The following CHTF8 variants were observed in gnomAD, a reference collection of about 807,000 sequenced individuals.
CHTF8 encodes the protein chromosome transmission fidelity factor 8, also known as chromosome transmission fidelity protein 8 homolog.
A neutral mutation model predicts 11.0 loss-of-function variants in CHTF8; 6 were observed. That is an observed-to-expected ratio of 0.55 (90% CI 0.30 to 1.08). CHTF8 has a LOEUF of 1.08. Ranked by LOEUF, CHTF8 falls within the 50% of genes least tolerant of loss-of-function variation. The probability of loss-of-function intolerance (pLI) is 0.07; values close to 1 mark genes in which losing one functional copy is unlikely to be tolerated. For missense variants in CHTF8, 140 were observed against 153.1 expected (o/e 0.91, Z 0.45); for synonymous variants, 53 against 60.5 (o/e 0.88, Z 0.57).
chr16:69,121,091 C>T lies in CHTF8; in HGVS notation c.103G>A (p.Ala35Thr). ...EIEARYSTGL[A>T]GNLLGDLHYT... Reference sequence around the variant, plus strand: ...TGTAGGTCTCCCAGGAGGTTTCCAGCTAATCCAGTGCTGTAGCGAGCCTCG... The same window carrying T: ...TGTAGGTCTCCCAGGAGGTTTCCAGTTAATCCAGTGCTGTAGCGAGCCTCG... The change falls in exon 3 of 4, where the codon GCT becomes ACT. Residue 35 changes from alanine to threonine, a missense_variant. Transcript: ENST00000448552. The T allele has an allele frequency of 6.2e-7, 1 of 1,614,062 alleles. No individual in the cohort carries two copies. Among genetic ancestry groups the T allele is most frequent in the South Asian group, 1.1e-5 (1 of 91,066 alleles).
chr16:69,124,150 C>A (rs187019703), intron 1 of CHTF8, among the ~76,000 whole-genome samples: 46 of 151,728 alleles, frequency 3.0e-4, no homozygotes, highest in Admixed American at 2.0e-3. Context: ...TTTTATACAA[C>A]AGCAGCACCA....
intron 1 of CHTF8, among the ~76,000 whole-genome samples, chr16:69,124,982 G>A (rs931121938): frequency 2.0e-5 from 3 of 151,692 alleles, no homozygotes; most frequent in Middle Eastern, 3.4e-3. Flanking sequence ...TCGGCTCACC[G>A]CAACCTCCAC....
At position 69,126,035 on chromosome 16, in the gene CHTF8, G is replaced by A. The variant is rs527616199; in HGVS notation, c.-35-4542C>T. ...TTAAGGAATGGTACATTTTAGCCACGAATCAAAAAAAGGCTCAATAATGCA... is the reference window on the plus strand; with the variant it reads ...TTAAGGAATGGTACATTTTAGCCACAAATCAAAAAAAGGCTCAATAATGCA... On this transcript the variant is annotated intron_variant, in intron 1 of 3. Transcript: ENST00000448552. 2.6e-5 allele frequency among the ~76,000 whole-genome samples: 4 copies of A among 152,196 alleles called. No individual in the cohort carries two copies. In the South Asian group the frequency reaches 6.2e-4, roughly 24 times the overall value.
At chr16:69,130,016 G>C (rs530109794) in intron 1 of CHTF8, among the ~76,000 whole-genome samples, 4 of 152,340 alleles carry the variant, frequency 2.6e-5, no homozygotes, top group African/African-American at 9.6e-5. Flanking sequence ...CAAGAGAATA[G>C]AGGACATTCT....
At chr16:69,126,700 G>A (rs909248526) in intron 1 of CHTF8, among the ~76,000 whole-genome samples, 1 of 152,200 alleles carries the variant, frequency 6.6e-6, no homozygotes, top group African/African-American at 2.4e-5. Flanking sequence ...TAATTTATAC[G>A]CACGTGGGTG....
chr16:69,124,121 AAAG>A (rs931329326), intron 1 of CHTF8, among the ~76,000 whole-genome samples: 8 of 151,658 alleles, frequency 5.3e-5, no homozygotes, highest in Non-Finnish European at 7.4e-5. Flanking sequence ...AAAAAAAAAA[AAAG>A]GATAATATGC....
chr16:69,127,234 C>A, intron 1 of CHTF8, among the ~76,000 whole-genome samples: 1 of 149,368 alleles, frequency 6.7e-6, no homozygotes. Flanking sequence ...AGCAAAACTC[C>A]GTCTCAAAAA....
Position 69,121,180 on chromosome 16 carries a change from A to C in CHTF8, c.24-10T>G. 6.2e-7 allele frequency: 1 copy of C among 1,609,276 alleles called. No homozygotes were observed. Among genetic ancestry groups the C allele is most frequent in the Non-Finnish European group, 8.5e-7 (1 of 1,176,862 alleles). On this transcript the variant is annotated splice_polypyrimidine_tract_variant and intron_variant, in intron 2 of 3. Coordinates refer to ENST00000448552, the MANE Select transcript of CHTF8 (RefSeq NM_001039690.5). ...GCCTCCAGCCCTCGCACTGCAAGCAAAGGGCTGGCGGTTACAATATTTTTG... is the reference window on the plus strand; with the variant it reads ...GCCTCCAGCCCTCGCACTGCAAGCACAGGGCTGGCGGTTACAATATTTTTG...
intron 1 of CHTF8, among the ~76,000 whole-genome samples, chr16:69,131,033 G>A (rs533886205): frequency 1.3e-5 from 2 of 152,254 alleles, no homozygotes; most frequent in Non-Finnish European, 2.9e-5. Flanking sequence ...TAGTGTTATC[G>A]TGGTTTTGTA....
In CHTF8 at chr16:69,118,381, G is replaced by C. The variant is rs761089528; in HGVS notation, c.*2044C>G. 1.2e-6 allele frequency: 2 copies of C among 1,611,950 alleles called. No individual in the cohort carries two copies. Among genetic ancestry groups the C allele is most frequent in the East Asian group, 4.5e-5 (2 of 44,874 alleles). Reference sequence around the variant, plus strand: ...CCCCAGGGAAAGGTATGGCAGTAGAGGATGACCAGGTCCAAGCTGCCCAGG... The same window carrying C: ...CCCCAGGGAAAGGTATGGCAGTAGACGATGACCAGGTCCAAGCTGCCCAGG... On this transcript the variant is annotated 3_prime_UTR_variant, in exon 4 of 4. Coordinates refer to ENST00000448552, the MANE Select transcript of CHTF8 (RefSeq NM_001039690.5).
chr16:69,129,727 C>A (rs760796968), intron 1 of CHTF8, among the ~76,000 whole-genome samples: 2 of 152,200 alleles, frequency 1.3e-5, no homozygotes, highest in Admixed American at 1.3e-4. Flanking sequence ...ACACAGCCCC[C>A]TCCTGTAAAG....
intron 1 of CHTF8, among the ~76,000 whole-genome samples, chr16:69,125,484 T>G (rs903867119): frequency 2.0e-5 from 3 of 152,236 alleles, no homozygotes. Flanking sequence ...CAATTCTGCC[T>G]TCCCAAAGGA....
intron 1 of CHTF8, among the ~76,000 whole-genome samples, chr16:69,129,045 CAG>C (rs1962295680): frequency 6.6e-6 from 1 of 151,518 alleles, no homozygotes; most frequent in African/African-American, 2.4e-5. Context: ...GCCTGGGTGA[CAG>C]AGCAAGATTC....
chr16:69,125,263 C>T lies in CHTF8; in HGVS notation c.-35-3770G>A, dbSNP rs10221101. ...GCAGCTAACATGTTTTGAATTTTTA[C>T]TGTGGAATTTTTACTGTGCATATAT... On this transcript the variant is annotated intron_variant, in intron 1 of 3. Coordinates refer to ENST00000448552, the MANE Select transcript of CHTF8 (RefSeq NM_001039690.5). Among the ~76,000 whole-genome samples, 1,161 of 152,238 alleles carry T rather than the reference C, an allele frequency of 7.6e-3. 16 individuals are homozygous for T. Among genetic ancestry groups the T allele is most frequent in the African/African-American group, 0.025 (1,044 of 41,534 alleles).
chr16:69,125,084 A>G (rs1214309070), intron 1 of CHTF8, among the ~76,000 whole-genome samples: 1 of 151,386 alleles, frequency 6.6e-6, no homozygotes, highest in Non-Finnish European at 1.5e-5. Flanking sequence ...TTGTATTTTT[A>G]ATAGAGACGG....
intron 1 of CHTF8, among the ~76,000 whole-genome samples, chr16:69,123,794 A>G (rs774250941): frequency 3.3e-5 from 5 of 152,086 alleles, no homozygotes; most frequent in Non-Finnish European, 7.4e-5. Flanking sequence ...AGATAATTAG[A>G]TAACAGACTT....
rs372913153 is a variant in CHTF8 at position 69,120,674 on chromosome 16, C to T, written c.142-25G>A. 1.6e-4 allele frequency: 250 copies of T among 1,592,650 alleles called. No individual in the cohort carries two copies. Among genetic ancestry groups the T allele is most frequent in the Non-Finnish European group, 2.1e-4 (239 of 1,163,898 alleles). On this transcript the variant is annotated intron_variant, in intron 3 of 3. Transcript: ENST00000448552. The surrounding 1 kb of genome is among the most constrained non-coding windows in gnomAD (Gnocchi z 4.0). ...CCTTTGGCAGAACAAGAACGAGATT[C>T]CTGAGGTTCCGGGGCAAGGCCATAA...
rs201301001 is a variant in CHTF8, at chr16:69,121,390, C to G, written c.23+46G>C. 2.5e-3 allele frequency: 3,831 copies of G among 1,534,790 alleles called. 138 individuals are homozygous for G. In the East Asian group the frequency reaches 0.071, roughly 28 times the overall value. ...CCAGACACATGGCACACCTCTATAG[C>G]CCTCATCATTTCAAGCCAAATTTTA... is the stretch of plus-strand genomic sequence containing the variant. On this transcript the variant is annotated intron_variant, in intron 2 of 3. Transcript: ENST00000448552.
At chr16:69,123,943 A>C (rs1287602803) in intron 1 of CHTF8, among the ~76,000 whole-genome samples, 29 of 78,724 alleles carry the variant, frequency 3.7e-4, no homozygotes, top group Admixed American at 1.1e-3. Context: ...AAAAAAAAAA[A>C]AAAACAAAAA....
Sources: allele counts gnomAD v4.1 joint callset (sites outside exome capture counted in the v4.1 genomes callset), GRCh38; gene constraint gnomAD v4.1.1; non-coding constraint Gnocchi (gnomAD v3.1); transcripts MANE v1.5; gene names NCBI Gene and HGNC (gene_info 2026-07-23, HGNC 2026-07-21).